Variants in PAM observed in about 807,000 individuals in gnomAD.
PAM encodes peptidyl-glycine alpha-amidating monooxygenase.
PAM carries 72 observed loss-of-function variants against 122.1 expected under a neutral mutation model. The observed-to-expected ratio is 0.59, with a 90% CI of 0.49 to 0.72. The LOEUF is 0.72. Among genes scored for constraint, PAM ranks in the 30% least tolerant of loss-of-function variants. The pLI, the probability that PAM is intolerant of heterozygous loss-of-function variation, is 0.00. For missense variants in PAM, 1,106 were observed against 1,183.7 expected (o/e 0.93, Z 0.96); for synonymous variants, 389 against 404.4 (o/e 0.96, Z 0.46).
intron 12 of PAM, among the ~76,000 whole-genome samples, chr5:102,957,992 A>G (rs1014493314): frequency 6.6e-6 from 1 of 152,158 alleles, no homozygotes; most frequent in Non-Finnish European, 1.5e-5. Context: ...AGAATAAACA[A>G]TTTCCATTTA....
At chr5:102,864,184 AT>A (rs201056087) in intron 1 of PAM, among the ~76,000 whole-genome samples, 1,497 of 133,648 alleles carry the variant, frequency 0.011, 13 homozygotes, top group East Asian at 0.032. Flanking sequence ...ATATATATAT[AT>A]TTTTTTTTTT....
At chr5:102,961,067 AT>A in intron 13 of PAM, 90 bp from the exon 14 acceptor site, 1 of 693,256 alleles carries the variant, frequency 1.4e-6, no homozygotes, top group East Asian at 2.7e-5. Context: ...CCTGAATAGT[AT>A]TTTTATGTTG....
chr5:102,780,835 CTCTGTCTT>C (rs1758732767), intron 1 of PAM, among the ~76,000 whole-genome samples: 4 of 113,756 alleles, frequency 3.5e-5, no homozygotes, highest in African/African-American at 6.7e-5. Context: ...TTCTTTCTTT[CTCTGTCTT>C]TCTCTCTCTC....
intron 15 of PAM, among the ~76,000 whole-genome samples, chr5:102,981,568 C>T (rs1769887495): frequency 6.6e-6 from 1 of 152,158 alleles, no homozygotes; most frequent in Non-Finnish European, 1.5e-5. Context: ...TTTATGAGGC[C>T]ATACAGTAAG....
At chr5:102,778,035 C>G (rs1757653707) in intron 1 of PAM, among the ~76,000 whole-genome samples, 1 of 152,130 alleles carries the variant, frequency 6.6e-6, no homozygotes. Context: ...ATTGTGCCGT[C>G]TTGGGGTTAG....
intron 1 of PAM, among the ~76,000 whole-genome samples, chr5:102,779,838 G>A (rs186644962): frequency 3.4e-5 from 5 of 146,256 alleles, no homozygotes; most frequent in Non-Finnish European, 4.5e-5. Context: ...ACGGCCTATT[G>A]TGGGACCTTG....
chr5:102,983,139 G>A (rs1427283216), intron 15 of PAM, among the ~76,000 whole-genome samples: 2 of 151,844 alleles, frequency 1.3e-5, no homozygotes, highest in African/African-American at 4.8e-5. Flanking sequence ...TGAATATGAA[G>A]ACATCTTTTA....
chr5:102,783,104 A>G (rs1282108702), intron 1 of PAM, among the ~76,000 whole-genome samples: 1 of 152,054 alleles, frequency 6.6e-6, no homozygotes, highest in Non-Finnish European at 1.5e-5. Flanking sequence ...AGCTGGTGGC[A>G]TATATAATTA....
At chr5:102,887,808 T>C (rs1296060094) in intron 3 of PAM, among the ~76,000 whole-genome samples, 1 of 151,938 alleles carries the variant, frequency 6.6e-6, no homozygotes, top group African/African-American at 2.4e-5. Flanking sequence ...CATGTTGTCT[T>C]CTTGCTAAGT....
At chr5:102,835,748 G>A (rs1043952834) in intron 1 of PAM, among the ~76,000 whole-genome samples, 1 of 151,858 alleles carries the variant, frequency 6.6e-6, no homozygotes, top group African/African-American at 2.4e-5. Context: ...TGAATACAAT[G>A]AAAATATTCA....
intron 1 of PAM, among the ~76,000 whole-genome samples, chr5:102,864,383 G>A (rs1334621186): frequency 1.3e-5 from 2 of 152,026 alleles, no homozygotes; most frequent in Non-Finnish European, 2.9e-5. Context: ...GCAAGCCAAA[G>A]AGAAAGTTCA....
At chr5:102,880,785 C>A (rs1449005128) in intron 3 of PAM, among the ~76,000 whole-genome samples, 1 of 151,516 alleles carries the variant, frequency 6.6e-6, no homozygotes, top group African/African-American at 2.4e-5. Flanking sequence ...ATATTAAAAT[C>A]AATAAAAAGA....
intron 7 of PAM, among the ~76,000 whole-genome samples, chr5:102,937,690 G>C (rs917569110): frequency 6.6e-6 from 1 of 152,134 alleles, no homozygotes; most frequent in African/African-American, 2.4e-5. Context: ...CAGAAATGAA[G>C]ATCGATGCTC....
At chr5:102,949,502 A>G (rs759008886) in intron 9 of PAM, 35 bp from the exon 10 acceptor site, 11 of 993,276 alleles carry the variant, frequency 1.1e-5, no homozygotes, top group East Asian at 4.8e-5. Flanking sequence ...TTCCAGTTGA[A>G]TAGTGACTTT....
rs1056086976 is a variant in PAM, at chr5:102,983,356, A to T, written c.1484-6916A>T. 3.3e-5 allele frequency among the ~76,000 whole-genome samples: 5 copies of T among 151,098 alleles called. 1 individual carries two copies. The highest frequency in any genetic ancestry group is 1.2e-4 in the African/African-American group (5 of 40,674). On this transcript the variant is annotated intron_variant, in intron 15 of 25. Coordinates refer to ENST00000438793, the MANE Select transcript of PAM (RefSeq NM_001177306.2). ...TTACAGCTACTCGGGAGGCTGAGGCATAAGAATCACTTGAACCCAGGAGGT... is the reference window on the plus strand; with the variant it reads ...TTACAGCTACTCGGGAGGCTGAGGCTTAAGAATCACTTGAACCCAGGAGGT...
intron 20 of PAM, among the ~76,000 whole-genome samples, chr5:103,008,311 CA>C (rs1180374550): frequency 6.6e-6 from 1 of 151,586 alleles, no homozygotes; most frequent in African/African-American, 2.4e-5. Flanking sequence ...TTGTAATTGA[CA>C]TAGTAATTGT....
At chr5:102,954,689 A>T (rs1053089269) in intron 12 of PAM, among the ~76,000 whole-genome samples, 30 of 152,116 alleles carry the variant, frequency 2.0e-4, no homozygotes, top group Non-Finnish European at 3.5e-4. Flanking sequence ...ATACTTCTCT[A>T]AATTCGTTTC....
chr5:102,958,128 G>T (rs1367265947), intron 12 of PAM, among the ~76,000 whole-genome samples: 1 of 152,154 alleles, frequency 6.6e-6, no homozygotes, highest in Non-Finnish European at 1.5e-5. Flanking sequence ...ATATGCTGTT[G>T]TGGGTGGGTA....
At chr5:103,006,494 GA>G (rs1446936939) in intron 18 of PAM, among the ~76,000 whole-genome samples, 1 of 152,070 alleles carries the variant, frequency 6.6e-6, no homozygotes, top group Non-Finnish European at 1.5e-5. Context: ...ATTATCTAAG[GA>G]AAGACAAAAA....
Sources: gnomAD v4.1 joint callset for allele counts (sites outside exome capture counted in the v4.1 genomes callset) on GRCh38, gnomAD v4.1.1 for gene constraint, MANE v1.5 for transcripts, NCBI Gene and HGNC (gene_info 2026-07-23, HGNC 2026-07-21) for gene names.